Variants in KLRG1 observed in about 807,000 individuals in gnomAD.
The protein encoded by KLRG1 is killer cell lectin like receptor G1, also known as killer cell lectin-like receptor subfamily G member 1.
Under a neutral mutation model 21.8 loss-of-function variants are expected in KLRG1, and 16 were observed. The ratio of observed to expected loss-of-function variants is 0.73; its 90% CI spans 0.50 to 1.11. The LOEUF is 1.11. Among genes scored for constraint, KLRG1 ranks in the 50% most tolerant of loss-of-function variants. KLRG1 has a pLI of 0.00. For missense variants in KLRG1, 173 were observed against 218.3 expected, an observed-to-expected ratio of 0.79 and a Z score of 1.31; for synonymous variants, 69 against 75.9, an observed-to-expected ratio of 0.91 and a Z score of 0.47.
chr12:9,074,432 C>T, the KLRG1 span: 1 of 904,932 alleles, frequency 1.1e-6, no homozygotes, highest in Non-Finnish European at 1.7e-6. Flanking sequence ...TCCTTGGATA[C>T]TGAAAACTTT....
intron 3 of KLRG1, among the ~76,000 whole-genome samples, chr12:9,004,317 C>T (rs1300595003): frequency 6.6e-6 from 1 of 152,108 alleles, no homozygotes; most frequent in Non-Finnish European, 1.5e-5. Context: ...TACAGTCCCA[C>T]CAACAGTGTA....
chr12:9,077,467 C>G, the KLRG1 span: 3 of 1,557,696 alleles, frequency 1.9e-6, no homozygotes, highest in Non-Finnish European at 2.6e-6. Flanking sequence ...TCTGAGAATG[C>G]TATTGATTAG....
At chr12:9,192,764 A>G in the KLRG1 span, 1 of 1,493,692 alleles carries the variant, frequency 6.7e-7, no homozygotes, top group South Asian at 1.1e-5. Context: ...AAGCAAAGAA[A>G]GAATACTGTC....
the KLRG1 span, among the ~76,000 whole-genome samples, chr12:9,103,371 T>A: frequency 6.6e-6 from 1 of 152,182 alleles, no homozygotes; most frequent in East Asian, 1.9e-4. Flanking sequence ...AACCACTTTA[T>A]CTGATTCAGA....
the KLRG1 span, among the ~76,000 whole-genome samples, chr12:9,186,121 A>G: frequency 6.6e-5 from 10 of 152,246 alleles, no homozygotes; most frequent in East Asian, 1.9e-4. Flanking sequence ...TCTTAAAGAA[A>G]ATAAATTCCA....
At chr12:9,085,079 T>G in the KLRG1 span, among the ~76,000 whole-genome samples, 1 of 152,182 alleles carries the variant, frequency 6.6e-6, no homozygotes, top group African/African-American at 2.4e-5. Context: ...TGCAGTAATA[T>G]CAGGGAATTT....
the KLRG1 span, among the ~76,000 whole-genome samples, chr12:9,103,453 C>T: frequency 6.6e-6 from 1 of 152,132 alleles, no homozygotes; most frequent in Non-Finnish European, 1.5e-5. Flanking sequence ...TTACCATCTT[C>T]ATTATTCTTT....
chr12:9,045,783 A>G, the KLRG1 span, among the ~76,000 whole-genome samples: 1 of 152,318 alleles, frequency 6.6e-6, no homozygotes, highest in South Asian at 2.1e-4. Flanking sequence ...AAGACATGGA[A>G]TCAACCCAAA....
At chr12:9,130,924 G>C in the KLRG1 span, among the ~76,000 whole-genome samples, 2 of 152,064 alleles carry the variant, frequency 1.3e-5, no homozygotes, top group East Asian at 1.9e-4. Flanking sequence ...AAATTTCATA[G>C]TTTTAGGTCT....
downstream of KLRG1, among the ~76,000 whole-genome samples, chr12:9,014,308 A>G (rs1245381204): frequency 6.6e-6 from 1 of 152,180 alleles, no homozygotes; most frequent in Non-Finnish European, 1.5e-5. Context: ...ACTACATTTA[A>G]TAATTGAACT....
At chr12:9,169,115 GTGAAATTACTAAACTTA>G in the KLRG1 span, 1 of 607,858 alleles carries the variant, frequency 1.6e-6, no homozygotes, top group Non-Finnish European at 2.8e-6. Context: ...ATATAGAGTA[GTGAAATTACTAAACTTA>G]TGGATTATTA....
Position 8,995,408 on chromosome 12 carries a change from G to C in KLRG1, c.357+120G>C, listed in dbSNP as rs1278119483. The C allele has an allele frequency of 5.9e-6, 5 of 853,194 alleles. No individual in the cohort carries two copies. In the South Asian group the frequency reaches 7.4e-5, roughly 13 times the overall value. 52.9% of individuals were successfully genotyped at this position (853,194 alleles called of 1,614,324 possible). A position where few individuals can be genotyped will look rare whatever the true frequency, so the allele number is the denominator to read the frequency against. ...GGAACAGAAGGAATCTGTGATTTGG[G>C]GGGGATACTATATTCTTCCCCTTCC... On this transcript the variant is annotated intron_variant, in intron 3 of 4. Coordinates refer to ENST00000356986, the MANE Select transcript of KLRG1 (RefSeq NM_005810.4).
chr12:9,110,873 A>G, the KLRG1 span, among the ~76,000 whole-genome samples: 1 of 152,178 alleles, frequency 6.6e-6, no homozygotes, highest in African/African-American at 2.4e-5. Flanking sequence ...CTTCAGCAAC[A>G]AATATACATG....
the KLRG1 span, chr12:9,079,983 A>C: frequency 2.2e-6 from 2 of 921,028 alleles, no homozygotes; most frequent in African/African-American, 1.7e-5. Context: ...AAAGAAGAAG[A>C]GAAGAAAGAA....
At chr12:9,192,160 G>A in the KLRG1 span, 1 of 1,578,794 alleles carries the variant, frequency 6.3e-7, no homozygotes, top group Non-Finnish European at 8.7e-7. Flanking sequence ...ATGTGTTAGG[G>A]GAGCAAGGAG....
chr12:9,074,721 G>T, the KLRG1 span: 1 of 1,614,010 alleles, frequency 6.2e-7, no homozygotes, highest in Non-Finnish European at 8.5e-7. Flanking sequence ...GGAGCCTGGG[G>T]TTCGTAAAAA....
At chr12:9,104,731 G>C in the KLRG1 span, among the ~76,000 whole-genome samples, 1 of 152,170 alleles carries the variant, frequency 6.6e-6, no homozygotes, top group Admixed American at 6.6e-5. Flanking sequence ...TGGAAGTGCT[G>C]TGTATTATTA....
the KLRG1 span, among the ~76,000 whole-genome samples, chr12:9,146,518 G>A: frequency 6.6e-6 from 1 of 152,068 alleles, no homozygotes; most frequent in African/African-American, 2.4e-5. Flanking sequence ...TTTCTAGAAT[G>A]TATTTTGTTC....
At chr12:9,084,316 T>G in the KLRG1 span, among the ~76,000 whole-genome samples, 5 of 152,254 alleles carry the variant, frequency 3.3e-5, no homozygotes, top group East Asian at 9.6e-4. Flanking sequence ...ATGATGGTAT[T>G]TAAAGCAATT....
Sources: gnomAD v4.1 joint callset for allele counts (sites outside exome capture counted in the v4.1 genomes callset) on GRCh38, gnomAD v4.1.1 for gene constraint, MANE v1.5 for transcripts, NCBI Gene and HGNC (gene_info 2026-07-23, HGNC 2026-07-21) for gene names.